AFF3: variants seen among roughly 807,000 people sequenced by gnomAD.
AFF3 encodes the protein ALF transcription elongation factor 3.
AFF3 carries 32 observed loss-of-function variants against 129.7 expected under a neutral mutation model. The ratio of observed to expected loss-of-function variants is 0.25; its 90% CI spans 0.19 to 0.33. AFF3 has a LOEUF of 0.33. AFF3 is among the 10% of genes least tolerant of loss of function. The probability of loss-of-function intolerance (pLI) is 1.00; values close to 1 mark genes in which losing one functional copy is unlikely to be tolerated. For missense variants in AFF3, 1,373 were observed against 1,592.0 expected (o/e 0.86, Z 2.34); for synonymous variants, 644 against 635.4 (o/e 1.01, Z -0.20).
At chr2:100,024,170 T>C (rs1276159433) in intron 4 of AFF3, among the ~76,000 whole-genome samples, 1 of 132,764 alleles carries the variant, frequency 7.5e-6, no homozygotes, top group Non-Finnish European at 1.5e-5. Context: ...AGGCGGAGCT[T>C]GCAGTGAGCC....
chr2:100,042,375 GT>G (rs888987337), intron 4 of AFF3, among the ~76,000 whole-genome samples: 38 of 151,844 alleles, frequency 2.5e-4, no homozygotes, highest in Admixed American at 2.5e-3. Flanking sequence ...GAAATATATT[GT>G]TTTTTTTCTG....
chr2:99,814,591 T>C (rs936007886), intron 8 of AFF3, among the ~76,000 whole-genome samples: 2 of 152,128 alleles, frequency 1.3e-5, no homozygotes, highest in African/African-American at 2.4e-5. Flanking sequence ...CAATCTCCAA[T>C]GCCAGCTCAC....
chr2:99,594,593 A>G (rs181030437), intron 14 of AFF3, among the ~76,000 whole-genome samples: 262 of 152,286 alleles, frequency 1.7e-3, no homozygotes, highest in South Asian at 3.5e-3. Context: ...TTTGAGTGTT[A>G]GTATAAATTT....
intron 8 of AFF3, among the ~76,000 whole-genome samples, chr2:99,763,796 C>T (rs1026482825): frequency 4.6e-5 from 7 of 152,136 alleles, no homozygotes; most frequent in Non-Finnish European, 2.9e-5. Flanking sequence ...CTTGTTTCTT[C>T]AATCTGAAAA....
Position 99,554,426 on chromosome 2 carries a change from G to C in AFF3, c.3444C>G (p.Val1148=), listed in dbSNP as rs1415988918. The C allele has an allele frequency of 1.9e-6, 3 of 1,614,164 alleles. No individual in the cohort carries two copies. Among genetic ancestry groups the C allele is most frequent in the Admixed American group, 3.3e-5 (2 of 60,020 alleles). The part of the protein sequence containing the change: ...NASALSPSTI[V]SIPQRIHQMA... ...TCTGGTGGATGCGCTGTGGGATGCTGACGATGGTCGACGGGGACAGGGCGC... is the reference window on the plus strand; with the variant it reads ...TCTGGTGGATGCGCTGTGGGATGCTCACGATGGTCGACGGGGACAGGGCGC... Residue 1148 remains valine (V), a synonymous_variant, in exon 24 of 25, where the codon GTC becomes GTG. Coordinates refer to ENST00000672756, the MANE Select transcript of AFF3 (RefSeq NM_001386135.1).
intron 4 of AFF3, among the ~76,000 whole-genome samples, chr2:100,056,185 G>A (rs1337344909): frequency 1.3e-5 from 2 of 151,788 alleles, no homozygotes; most frequent in African/African-American, 4.8e-5. Flanking sequence ...TGTGACACCA[G>A]AGACTCTCAA....
intron 2 of AFF3, among the ~76,000 whole-genome samples, chr2:100,119,559 A>C (rs1311169850): frequency 6.6e-6 from 1 of 152,246 alleles, no homozygotes; most frequent in Non-Finnish European, 1.5e-5. Flanking sequence ...ACAATGAAAG[A>C]GTTCAACAAT....
At chr2:99,811,164 G>A (rs1686756873) in intron 8 of AFF3, among the ~76,000 whole-genome samples, 1 of 152,156 alleles carries the variant, frequency 6.6e-6, no homozygotes, top group African/African-American at 2.4e-5. Flanking sequence ...TCTATTGAGA[G>A]CAATGAAAGG....
chr2:99,774,971 G>A (rs1275650570), intron 8 of AFF3, among the ~76,000 whole-genome samples: 2 of 152,206 alleles, frequency 1.3e-5, no homozygotes, highest in South Asian at 2.1e-4. Context: ...CATACATGCA[G>A]CCAACAAACA....
At chr2:99,665,509 C>T (rs1049444159) in intron 12 of AFF3, among the ~76,000 whole-genome samples, 1 of 152,148 alleles carries the variant, frequency 6.6e-6, no homozygotes, top group Non-Finnish European at 1.5e-5. Context: ...AATAACAAGA[C>T]GAACATGTTT....
chr2:99,958,169 T>C (rs1022190027), intron 7 of AFF3, among the ~76,000 whole-genome samples: 6 of 151,752 alleles, frequency 4.0e-5, no homozygotes, highest in African/African-American at 9.7e-5. Context: ...CCTGGAAAAA[T>C]TGATGGAACT....
chr2:99,626,644 C>T (rs938507227), intron 13 of AFF3, among the ~76,000 whole-genome samples: 31 of 151,138 alleles, frequency 2.1e-4, no homozygotes, highest in African/African-American at 2.9e-4. Context: ...CTTATGTCAC[C>T]GGGTTTGATG....
intron 7 of AFF3, among the ~76,000 whole-genome samples, chr2:99,864,501 T>C (rs1691232570): frequency 6.6e-6 from 1 of 152,172 alleles, no homozygotes; most frequent in African/African-American, 2.4e-5. Context: ...GGGAGAACTA[T>C]CCATCTAGTC....
At chr2:99,839,357 G>A (rs1485706752) in intron 7 of AFF3, among the ~76,000 whole-genome samples, 4 of 151,884 alleles carry the variant, frequency 2.6e-5, no homozygotes, top group South Asian at 4.2e-4. Context: ...TGATCCCCTC[G>A]CCTCGGCCTC....
At chr2:99,559,334 C>T (rs1675258380) in intron 21 of AFF3, among the ~76,000 whole-genome samples, 1 of 152,216 alleles carries the variant, frequency 6.6e-6, no homozygotes, top group African/African-American at 2.4e-5. Context: ...GCGGGCGAGC[C>T]CCGCTCTGCG....
At chr2:99,906,103 A>T (rs1243931592) in intron 7 of AFF3, among the ~76,000 whole-genome samples, 1 of 152,164 alleles carries the variant, frequency 6.6e-6, no homozygotes, top group Non-Finnish European at 1.5e-5. Flanking sequence ...GCATTCTTAC[A>T]TTTCTGGACG....
chr2:99,669,392 A>G (rs1056522083), intron 12 of AFF3, among the ~76,000 whole-genome samples: 16 of 152,354 alleles, frequency 1.1e-4, no homozygotes, highest in African/African-American at 3.8e-4. Context: ...ATGAAAATGA[A>G]CAAACTTCAA....
chr2:99,695,689 A>C (rs1290473510), intron 11 of AFF3, among the ~76,000 whole-genome samples: 2 of 152,130 alleles, frequency 1.3e-5, no homozygotes, highest in African/African-American at 4.8e-5. Flanking sequence ...AATAAGCAGA[A>C]GATTTCTCAA....
intron 8 of AFF3, among the ~76,000 whole-genome samples, chr2:99,796,662 C>T (rs1285315317): frequency 6.6e-6 from 1 of 152,144 alleles, no homozygotes; most frequent in Admixed American, 6.5e-5. Flanking sequence ...GATTGCTGTA[C>T]AGAGAGAATC....
Sources: allele counts gnomAD v4.1 joint callset (sites outside exome capture counted in the v4.1 genomes callset), GRCh38; gene constraint gnomAD v4.1.1; transcripts MANE v1.5; gene names NCBI Gene and HGNC (gene_info 2026-07-23, HGNC 2026-07-21).